The following TEAD1 variants were observed in gnomAD, a reference collection of about 807,000 sequenced individuals.
TEAD1 encodes the protein TEA domain transcription factor 1, also known as transcriptional enhancer factor TEF-1.
Under a neutral mutation model 54.9 loss-of-function variants are expected in TEAD1, and 9 were observed. The observed-to-expected ratio is 0.16, with a 90% confidence interval of 0.10 to 0.29. TEAD1 has a LOEUF of 0.29. Ranked by LOEUF, TEAD1 falls within the 10% of genes least tolerant of loss-of-function variation. The probability of loss-of-function intolerance (pLI) is 1.00; values close to 1 mark genes in which losing one functional copy is unlikely to be tolerated. For synonymous variants in TEAD1, 200 were observed against 187.8 expected, an observed-to-expected ratio of 1.07 and a Z score of -0.53; for missense variants, 387 against 535.9, an observed-to-expected ratio of 0.72 and a Z score of 2.74.
At chr11:12,762,881 G>A (rs781489145) in intron 2 of TEAD1, among the ~76,000 whole-genome samples, 2 of 152,126 alleles carry the variant, frequency 1.3e-5, no homozygotes, top group Admixed American at 1.3e-4. Flanking sequence ...CTGGTGCCAG[G>A]TGTGGCCACC....
At chr11:12,907,166 T>C (rs1417463905) in intron 10 of TEAD1, among the ~76,000 whole-genome samples, 1 of 152,070 alleles carries the variant, frequency 6.6e-6, no homozygotes, top group Admixed American at 6.6e-5. Flanking sequence ...CTGCAAGTAT[T>C]GGGGTACAGA....
At chr11:12,936,562 A>T (rs1949103115) in intron 12 of TEAD1, among the ~76,000 whole-genome samples, 1 of 152,176 alleles carries the variant, frequency 6.6e-6, no homozygotes. Context: ...AGTGGATTTT[A>T]AATGTTCTCA....
chr11:12,916,004 G>T (rs920338399), intron 10 of TEAD1, among the ~76,000 whole-genome samples: 4 of 152,242 alleles, frequency 2.6e-5, no homozygotes. Flanking sequence ...ACTTTTGATG[G>T]GGTGTATTTT....
At chr11:12,775,200 T>C (rs1448597244) in intron 3 of TEAD1, among the ~76,000 whole-genome samples, 1 of 152,096 alleles carries the variant, frequency 6.6e-6, no homozygotes, top group Non-Finnish European at 1.5e-5. Context: ...GAGCCCTCCT[T>C]TCTTAGGGTT....
chr11:12,855,529 C>T (rs549742628), intron 3 of TEAD1, among the ~76,000 whole-genome samples: 2 of 152,136 alleles, frequency 1.3e-5, no homozygotes, highest in East Asian at 3.9e-4. Flanking sequence ...ACTGCGTGAT[C>T]CACCTGCCTT....
chr11:12,782,636 T>C (rs1945582261), intron 3 of TEAD1, among the ~76,000 whole-genome samples: 2 of 152,270 alleles, frequency 1.3e-5, no homozygotes, highest in South Asian at 2.1e-4. Context: ...ATATGAATTA[T>C]ATCACAATAA....
intron 3 of TEAD1, among the ~76,000 whole-genome samples, chr11:12,810,303 G>A (rs1018451328): frequency 8.5e-5 from 13 of 152,114 alleles, no homozygotes; most frequent in African/African-American, 3.1e-4. Context: ...TAAGTACCTA[G>A]TAACAGGTCT....
intron 3 of TEAD1, among the ~76,000 whole-genome samples, chr11:12,777,169 G>A (rs1449644906): frequency 6.6e-6 from 1 of 151,998 alleles, no homozygotes; most frequent in Non-Finnish European, 1.5e-5. Context: ...CAGTCTTAAA[G>A]GTGTGATAGC....
At chr11:12,808,620 C>G (rs1564947101) in intron 3 of TEAD1, among the ~76,000 whole-genome samples, 2 of 152,130 alleles carry the variant, frequency 1.3e-5, no homozygotes, top group African/African-American at 4.8e-5. Context: ...CCACTGCCCT[C>G]TATTTGTGGA....
intron 2 of TEAD1, among the ~76,000 whole-genome samples, chr11:12,690,868 T>G (rs1396021611): frequency 6.6e-6 from 1 of 152,192 alleles, no homozygotes; most frequent in Non-Finnish European, 1.5e-5. Context: ...GGTGATCCTC[T>G]GACCTCAGCC....
chr11:12,719,949 G>GTTTTTTTT (rs1200965763), intron 2 of TEAD1, among the ~76,000 whole-genome samples: 4 of 40,006 alleles, frequency 1.0e-4, no homozygotes, highest in East Asian at 1.0e-3. Flanking sequence ...GAAATCTAAT[G>GTTTTTTTT]TTTTTTTTTT....
In TEAD1 at chr11:12,773,868, C is replaced by G. The variant is rs1321695298; in HGVS notation, c.202+9434C>G. On this transcript the variant is annotated intron_variant, in intron 3 of 12. Transcript: ENST00000527636. The stretch of plus-strand genomic sequence containing the variant: ...TTGAGTCTGAGAACTCATTGCCTAG[C>G]CCTAGGTCCTGAAAATTTTCTCCTG... 2.0e-5 allele frequency among the ~76,000 whole-genome samples: 3 copies of G among 152,080 alleles called. No homozygotes were observed. The East Asian group carries it at 5.8e-4, about 29-fold the overall frequency.
At chr11:12,743,657 G>A (rs1363121847) in intron 2 of TEAD1, among the ~76,000 whole-genome samples, 2 of 152,156 alleles carry the variant, frequency 1.3e-5, no homozygotes, top group African/African-American at 4.8e-5. Flanking sequence ...TAGGGAGTCT[G>A]GTGAATTTAA....
At chr11:12,745,542 T>C (rs561378343) in intron 2 of TEAD1, among the ~76,000 whole-genome samples, 1 of 151,456 alleles carries the variant, frequency 6.6e-6, no homozygotes. Context: ...CCTGTCTGCA[T>C]GTCAACTGCT....
At chr11:12,714,934 G>C (rs1269046541) in intron 2 of TEAD1, among the ~76,000 whole-genome samples, 1 of 152,136 alleles carries the variant, frequency 6.6e-6, no homozygotes, top group Non-Finnish European at 1.5e-5. Flanking sequence ...TCCAAATGCT[G>C]TCACATCCTG....
intron 2 of TEAD1, among the ~76,000 whole-genome samples, chr11:12,682,138 G>A (rs1943235995): frequency 6.6e-6 from 1 of 152,210 alleles, no homozygotes; most frequent in African/African-American, 2.4e-5. Flanking sequence ...GATAGAATCA[G>A]GTTAAATTTG....
intron 2 of TEAD1, among the ~76,000 whole-genome samples, chr11:12,679,062 A>G (rs750123412): frequency 5.9e-5 from 9 of 152,172 alleles, no homozygotes; most frequent in African/African-American, 1.7e-4. Context: ...ATAGTTTCCA[A>G]TAGTCCGGGA....
chr11:12,706,254 C>A (rs1008303332), intron 2 of TEAD1, among the ~76,000 whole-genome samples: 1 of 152,176 alleles, frequency 6.6e-6, no homozygotes, highest in African/African-American at 2.4e-5. Flanking sequence ...CTCTTCCATT[C>A]CCTTCAAGTC....
At chr11:12,706,205 T>C (rs58911172) in intron 2 of TEAD1, among the ~76,000 whole-genome samples, 4,063 of 152,322 alleles carry the variant, frequency 0.027, 154 homozygotes, top group African/African-American at 0.09. Context: ...AATTATAAGA[T>C]ACATTTTAAC....
Sources: gnomAD v4.1 joint callset for allele counts (sites outside exome capture counted in the v4.1 genomes callset) on GRCh38, gnomAD v4.1.1 for gene constraint, MANE v1.5 for transcripts, NCBI Gene and HGNC (gene_info 2026-07-23, HGNC 2026-07-21) for gene names.